The following CDH4 variants were observed in gnomAD, a reference collection of about 807,000 sequenced individuals.
CDH4 encodes the protein cadherin-4.
A neutral mutation model predicts 86.0 loss-of-function variants in CDH4; 33 were observed. That is an observed-to-expected ratio of 0.38 (90% CI 0.29 to 0.51). CDH4 has a LOEUF of 0.51. Ranked by LOEUF, CDH4 falls within the 20% of genes least tolerant of loss-of-function variation. CDH4 has a pLI of 0.86. For synonymous variants in CDH4, 555 were observed against 549.4 expected (o/e 1.01, Z -0.14); for missense variants, 1,114 against 1,307.4 (o/e 0.85, Z 2.28).
At chr20:61,443,628 T>C (rs1329218294) in intron 2 of CDH4, among the ~76,000 whole-genome samples, 1 of 152,204 alleles carries the variant, frequency 6.6e-6, no homozygotes, top group Non-Finnish European at 1.5e-5. Context: ...CAAGGAAAGC[T>C]GGAAGCTGCT....
chr20:61,914,866 C>A (rs1018473584), intron 9 of CDH4, among the ~76,000 whole-genome samples: 1 of 152,186 alleles, frequency 6.6e-6, no homozygotes, highest in African/African-American at 2.4e-5. Context: ...TACAGCACTG[C>A]CTGCTGCATG....
In CDH4 at chr20:61,709,311, G is replaced by T. The variant is rs2087865326; in HGVS notation, c.170-34252G>T. 6.6e-6 allele frequency among the ~76,000 whole-genome samples: 1 copy of T among 152,206 alleles called. No homozygotes were observed. The highest frequency in any genetic ancestry group is 2.1e-4 in the South Asian group (1 of 4,834). On this transcript the variant is annotated intron_variant, in intron 2 of 15. Coordinates refer to ENST00000614565, the MANE Select transcript of CDH4 (RefSeq NM_001794.5). The surrounding 1 kb of genome is among the most constrained non-coding windows in gnomAD (Gnocchi z 4.8). ...TTATTTTCTGAGAGCGTCTTGCTCT[G>T]TTGCCCAGGCTGTAGTGCAGTGGGG...
At chr20:61,577,845 C>T in intron 2 of CDH4, among the ~76,000 whole-genome samples, 1 of 152,158 alleles carries the variant, frequency 6.6e-6, no homozygotes, top group East Asian at 1.9e-4. Context: ...CATTTCTGAT[C>T]CCTGGCTCCC....
intron 6 of CDH4, among the ~76,000 whole-genome samples, chr20:61,857,933 CTGTCTGTG>C (rs1343041141): frequency 1.3e-5 from 2 of 149,616 alleles, no homozygotes; most frequent in Non-Finnish European, 3.0e-5. Flanking sequence ...CAGTGTGTGT[CTGTCTGTG>C]TGTCTCTGTG....
intron 2 of CDH4, among the ~76,000 whole-genome samples, chr20:61,319,865 G>A (rs2084498673): frequency 6.6e-6 from 1 of 151,446 alleles, no homozygotes. Flanking sequence ...TGAGGCGGGA[G>A]AATCACTTGA....
At position 61,274,138 on chromosome 20, in the gene CDH4, G is replaced by A. The variant is rs73915252; in HGVS notation, c.169+19201G>A. 4.1e-3 allele frequency among the ~76,000 whole-genome samples: 567 copies of A among 137,134 alleles called. 10 individuals carry two copies. The highest frequency in any genetic ancestry group is 0.014 in the African/African-American group (514 of 35,614). 90.0% of individuals were successfully genotyped at this position (137,134 alleles called of 152,430 possible). A position where few individuals can be genotyped will look rare whatever the true frequency, so the allele number is the denominator to read the frequency against. On this transcript the variant is annotated intron_variant, in intron 2 of 15. Transcript: ENST00000614565. ...TTGGGGGAGTATTGGAGTACCATGC[G>A]TAGTTTGGGGAAGTACCATGTGCAG...
At chr20:61,600,665 G>T (rs145740535) in intron 2 of CDH4, among the ~76,000 whole-genome samples, 7 of 152,274 alleles carry the variant, frequency 4.6e-5, no homozygotes, top group African/African-American at 1.7e-4. Context: ...TAAAATCCGA[G>T]GATCCTTAAG....
At chr20:61,539,889 A>G (rs1255057323) in intron 2 of CDH4, among the ~76,000 whole-genome samples, 1 of 152,224 alleles carries the variant, frequency 6.6e-6, no homozygotes, top group Non-Finnish European at 1.5e-5. Context: ...CTCTGTGCAC[A>G]CAGGATTTGA....
At chr20:61,804,726 G>C (rs1050465557) in intron 4 of CDH4, among the ~76,000 whole-genome samples, 1 of 152,214 alleles carries the variant, frequency 6.6e-6, no homozygotes, top group Non-Finnish European at 1.5e-5. Flanking sequence ...GTCCAGAGGG[G>C]AGTCCCCGTG....
intron 2 of CDH4, among the ~76,000 whole-genome samples, chr20:61,538,900 G>A (rs946465776): frequency 6.6e-6 from 1 of 152,222 alleles, no homozygotes; most frequent in Non-Finnish European, 1.5e-5. Context: ...TTTGTGCAGG[G>A]GGTGGGGAGG....
At chr20:61,629,952 T>C (rs2086868771) in intron 2 of CDH4, among the ~76,000 whole-genome samples, 1 of 152,192 alleles carries the variant, frequency 6.6e-6, no homozygotes, top group Non-Finnish European at 1.5e-5. Flanking sequence ...AGACATGACC[T>C]GTGGCTCGGA....
intron 2 of CDH4, among the ~76,000 whole-genome samples, chr20:61,434,031 CT>C (rs1333336930): frequency 6.6e-6 from 1 of 152,188 alleles, no homozygotes; most frequent in Non-Finnish European, 1.5e-5. Context: ...ACGTGCTGTC[CT>C]GCAAAGGGCC....
rs554055489 is a variant in CDH4 at position 61,538,257 on chromosome 20, A to G, written c.170-205306A>G. The stretch of plus-strand genomic sequence containing the variant: ...GAGCAGCGTTTTCTAGGGCTGATCC[A>G]GCAGTGTCCTTTATCCCTCCAGCTG... On this transcript the variant is annotated intron_variant, in intron 2 of 15. Transcript: ENST00000614565. Among the ~76,000 whole-genome samples, 57 of 152,300 alleles carry G rather than the reference A, an allele frequency of 3.7e-4. No individual in the cohort carries two copies. The South Asian group carries it at 4.4e-3, about 12-fold the overall frequency.
intron 2 of CDH4, among the ~76,000 whole-genome samples, chr20:61,686,332 C>T (rs920700482): frequency 1.3e-5 from 2 of 152,184 alleles, no homozygotes; most frequent in African/African-American, 4.8e-5. Context: ...AGAACAAGCC[C>T]AACTGTGCGT....
chr20:61,671,435 G>T (rs2087385722), intron 2 of CDH4, among the ~76,000 whole-genome samples: 1 of 152,218 alleles, frequency 6.6e-6, no homozygotes, highest in Admixed American at 6.5e-5. Context: ...GTTCAAGGTT[G>T]CAGTGAGCTG....
chr20:61,463,353 C>T (rs2085455307), intron 2 of CDH4, among the ~76,000 whole-genome samples: 1 of 152,200 alleles, frequency 6.6e-6, no homozygotes, highest in Non-Finnish European at 1.5e-5. Context: ...CCAGGCAGAT[C>T]TCTACAGAGG....
intron 2 of CDH4, among the ~76,000 whole-genome samples, chr20:61,274,173 G>A (rs1338398453): frequency 4.6e-5 from 6 of 130,322 alleles, no homozygotes; most frequent in South Asian, 2.7e-4. Flanking sequence ...GTTTGGGGGA[G>A]TACTGTGTGC....
intron 3 of CDH4, among the ~76,000 whole-genome samples, chr20:61,755,711 C>A (rs946957813): frequency 7.0e-6 from 1 of 143,528 alleles, no homozygotes; most frequent in African/African-American, 2.5e-5. Flanking sequence ...ATACCACATA[C>A]ATGAATCGCA....
At chr20:61,557,645 C>T (rs1174306947) in intron 2 of CDH4, among the ~76,000 whole-genome samples, 1 of 152,172 alleles carries the variant, frequency 6.6e-6, no homozygotes, top group African/African-American at 2.4e-5. Flanking sequence ...ATTCTTGCTC[C>T]AAATCGCATC....
Sources: allele counts gnomAD v4.1 joint callset (sites outside exome capture counted in the v4.1 genomes callset), GRCh38; gene constraint gnomAD v4.1.1; non-coding constraint Gnocchi (gnomAD v3.1); transcripts MANE v1.5; gene names NCBI Gene and HGNC (gene_info 2026-07-23, HGNC 2026-07-21).